Variants in PPM1E observed in about 807,000 individuals in gnomAD.
PPM1E encodes the protein protein phosphatase 1E.
PPM1E carries 20 observed loss-of-function variants against 65.9 expected under a neutral mutation model. The ratio of observed to expected loss-of-function variants is 0.30; its 90% CI spans 0.21 to 0.44. The LOEUF (loss-of-function observed/expected upper bound fraction) is 0.44, where lower values mean the gene tolerates loss of function less well. PPM1E is among the 20% of genes least tolerant of loss of function. The pLI, the probability that PPM1E is intolerant of heterozygous loss-of-function variation, is 1.00. For missense variants in PPM1E, 713 were observed against 953.1 expected (o/e 0.75, Z 3.32); for synonymous variants, 352 against 374.9 (o/e 0.94, Z 0.70).
intron 1 of PPM1E, among the ~76,000 whole-genome samples, chr17:58,786,574 A>G (rs1407266767): frequency 6.6e-6 from 1 of 152,216 alleles, no homozygotes; most frequent in African/African-American, 2.4e-5. Flanking sequence ...GGATGATGCA[A>G]GATTTCATCG....
chr17:58,850,195 A>G (rs1168728139), intron 1 of PPM1E, among the ~76,000 whole-genome samples: 80 of 148,848 alleles, frequency 5.4e-4, no homozygotes, highest in African/African-American at 9.2e-4. Context: ...GGGTCTCCTG[A>G]ATACAGCACA....
intron 1 of PPM1E, among the ~76,000 whole-genome samples, chr17:58,856,331 C>T (rs1311711139): frequency 6.6e-6 from 1 of 152,076 alleles, no homozygotes; most frequent in Non-Finnish European, 1.5e-5. Context: ...CCCCCACCTC[C>T]CGGATTCAAG....
intron 1 of PPM1E, among the ~76,000 whole-genome samples, chr17:58,916,540 T>G (rs9896313): frequency 6.6e-6 from 1 of 151,866 alleles, no homozygotes; most frequent in Non-Finnish European, 1.5e-5. Flanking sequence ...GCTGGAGGAT[T>G]GCTTGAGCCC....
At chr17:58,758,036 TTTATC>T (rs1168341147) in intron 1 of PPM1E, among the ~76,000 whole-genome samples, 1 of 152,210 alleles carries the variant, frequency 6.6e-6, no homozygotes, top group Non-Finnish European at 1.5e-5. Flanking sequence ...ATTAAGGGAA[TTTATC>T]TTAGCAGCAG....
At chr17:58,824,026 G>A (rs927021916) in intron 1 of PPM1E, among the ~76,000 whole-genome samples, 11 of 151,968 alleles carry the variant, frequency 7.2e-5, no homozygotes, top group Non-Finnish European at 1.6e-4. Context: ...CACCGTGCCC[G>A]GCCTGCAAAA....
intron 1 of PPM1E, among the ~76,000 whole-genome samples, chr17:58,828,823 T>G (rs970087439): frequency 1.3e-5 from 2 of 152,146 alleles, no homozygotes; most frequent in Non-Finnish European, 2.9e-5. Flanking sequence ...TTTCATTTGC[T>G]GTTTCTTGTT....
intron 1 of PPM1E, among the ~76,000 whole-genome samples, chr17:58,820,740 C>A (rs1046165687): frequency 6.6e-6 from 1 of 152,018 alleles, no homozygotes; most frequent in Non-Finnish European, 1.5e-5. Context: ...TGTCCATGTG[C>A]TGTTATCTTA....
intron 1 of PPM1E, among the ~76,000 whole-genome samples, chr17:58,766,606 T>TACACACAC (rs36067765): frequency 2.4e-5 from 3 of 123,672 alleles, no homozygotes; most frequent in Middle Eastern, 4.2e-3. Flanking sequence ...TGTGTGTGTA[T>TACACACAC]ACACACACAC....
At chr17:58,923,955 G>T (rs1377781779) in intron 1 of PPM1E, among the ~76,000 whole-genome samples, 1 of 115,404 alleles carries the variant, frequency 8.7e-6, no homozygotes, top group Non-Finnish European at 1.7e-5. Context: ...TCTCGCTCTT[G>T]TCGCCCAGGC....
intron 1 of PPM1E, among the ~76,000 whole-genome samples, chr17:58,929,252 A>G (rs1179145528): frequency 6.6e-6 from 1 of 152,164 alleles, no homozygotes; most frequent in East Asian, 1.9e-4. Context: ...TCAAGAAGAG[A>G]CACATTAATC....
chr17:58,859,376 C>T (rs1394337282), intron 1 of PPM1E, among the ~76,000 whole-genome samples: 1 of 152,234 alleles, frequency 6.6e-6, no homozygotes, highest in Non-Finnish European at 1.5e-5. Flanking sequence ...TTTAAAGTTA[C>T]AACAGCTTTA....
intron 1 of PPM1E, among the ~76,000 whole-genome samples, chr17:58,826,717 C>T (rs563864000): frequency 6.6e-6 from 1 of 151,962 alleles, no homozygotes; most frequent in Non-Finnish European, 1.5e-5. Context: ...CCTCTGCCTC[C>T]CAGGTTCAAG....
At chr17:58,900,099 A>G (rs931007005) in intron 1 of PPM1E, among the ~76,000 whole-genome samples, 3 of 152,124 alleles carry the variant, frequency 2.0e-5, no homozygotes, top group African/African-American at 7.2e-5. Context: ...TTAACATGGA[A>G]TCTACTCATG....
chr17:58,770,164 T>C (rs1318956093), intron 1 of PPM1E, among the ~76,000 whole-genome samples: 2 of 152,192 alleles, frequency 1.3e-5, no homozygotes, highest in East Asian at 1.9e-4. Context: ...GGAATCATCA[T>C]TGCAAAATCG....
rs1274167295 is a variant in PPM1E, at chr17:58,755,883, G to T, written c.-115G>T. ...CCAGGCAACCTAGTGCTGATCGCTC[G>T]TGCCGGTGCGGCCGTTAACCGCCCT... is the stretch of plus-strand genomic sequence containing the variant. On this transcript the variant is annotated 5_prime_UTR_variant, in exon 1 of 7. Coordinates refer to ENST00000308249, the MANE Select transcript of PPM1E (RefSeq NM_014906.5). 6.6e-7 allele frequency: 1 copy of T among 1,513,898 alleles called. No individual in the cohort carries two copies. The highest frequency in any genetic ancestry group is 2.3e-5 in the East Asian group (1 of 43,040). The allele number at this position is 1,513,898 out of a possible 1,614,324, so 93.8% of individuals were successfully genotyped here.
Position 58,852,871 on chromosome 17 carries a change from G to A in PPM1E, c.464+96410G>A, listed in dbSNP as rs547979141. Among the ~76,000 whole-genome samples the A allele has an allele frequency of 4.6e-5, 7 of 152,110 alleles. No individual in the cohort carries two copies. In the South Asian group the frequency reaches 1.4e-3, roughly 32 times the overall value. On this transcript the variant is annotated intron_variant, in intron 1 of 6. Coordinates refer to ENST00000308249, the MANE Select transcript of PPM1E (RefSeq NM_014906.5). ...CCTACCTTGGCCTTCCAAAGTGCTG[G>A]GATTACAGGTGTGAGCCACCACGCC...
intron 1 of PPM1E, among the ~76,000 whole-genome samples, chr17:58,804,788 G>A (rs2050289815): frequency 6.6e-6 from 1 of 151,314 alleles, no homozygotes; most frequent in East Asian, 1.9e-4. Context: ...TATTTAATGG[G>A]GTACATGTCA....
chr17:58,945,188 A>G (rs752549544), intron 1 of PPM1E, among the ~76,000 whole-genome samples: 3 of 151,004 alleles, frequency 2.0e-5, no homozygotes, highest in Non-Finnish European at 2.9e-5. Flanking sequence ...TCTGTCATAC[A>G]GACTGGAGTG....
At chr17:58,964,927 C>G (rs1205045990) in intron 2 of PPM1E, among the ~76,000 whole-genome samples, 1 of 151,938 alleles carries the variant, frequency 6.6e-6, no homozygotes, top group Non-Finnish European at 1.5e-5. Context: ...CACCTGTAAT[C>G]CCAGCCACTT....
Sources: gnomAD v4.1 joint callset for allele counts (sites outside exome capture counted in the v4.1 genomes callset) on GRCh38, gnomAD v4.1.1 for gene constraint, MANE v1.5 for transcripts, NCBI Gene and HGNC (gene_info 2026-07-23, HGNC 2026-07-21) for gene names.